RABGEF1: variants seen among roughly 807,000 people sequenced by gnomAD.
The protein encoded by RABGEF1 is RAB guanine nucleotide exchange factor 1.
In RABGEF1, 26 loss-of-function variants were observed where a neutral mutation model predicts 57.3. That is an observed-to-expected ratio of 0.45 (90% CI 0.33 to 0.63). RABGEF1 has a LOEUF of 0.63. Among genes scored for constraint, RABGEF1 ranks in the 20% least tolerant of loss-of-function variants. The probability of loss-of-function intolerance (pLI) is 0.02; values close to 1 mark genes in which losing one functional copy is unlikely to be tolerated. For missense variants in RABGEF1, 464 were observed against 607.6 expected, an observed-to-expected ratio of 0.76 and a Z score of 2.48; for synonymous variants, 185 against 210.7, an observed-to-expected ratio of 0.88 and a Z score of 1.06.
chr7:66,716,123 G>A (rs925421291), intron 2 of RABGEF1, among the ~76,000 whole-genome samples: 1 of 152,106 alleles, frequency 6.6e-6, no homozygotes, highest in African/African-American at 2.4e-5. Flanking sequence ...TTTTAGATGT[G>A]TACACATTTT....
At chr7:66,731,107 G>C (rs1165745156) in intron 2 of RABGEF1, among the ~76,000 whole-genome samples, 4 of 152,200 alleles carry the variant, frequency 2.6e-5, no homozygotes, top group Non-Finnish European at 4.4e-5. Context: ...CTGAGGCCCA[G>C]CCCCTGCCCT....
intron 2 of RABGEF1, among the ~76,000 whole-genome samples, chr7:66,716,548 C>T (rs1346856624): frequency 1.3e-5 from 2 of 152,060 alleles, no homozygotes; most frequent in Admixed American, 6.6e-5. Context: ...TTGCAGTGAG[C>T]CAAGATGGCA....
At chr7:66,795,425 A>G in intron 4 of RABGEF1, 86 bp from the exon 5 acceptor site, 1 of 1,134,778 alleles carries the variant, frequency 8.8e-7, no homozygotes, top group Non-Finnish European at 1.3e-6. Flanking sequence ...AGTACAAGGA[A>G]TGGCTTTTGG....
chr7:66,675,447 CA>C, the RABGEF1 span, among the ~76,000 whole-genome samples: 25 of 151,292 alleles, frequency 1.7e-4, 1 homozygote, highest in South Asian at 4.6e-3. Flanking sequence ...AAGAAACAAA[CA>C]AAAAAAACCC....
intron 2 of RABGEF1, among the ~76,000 whole-genome samples, chr7:66,729,288 C>T (rs1157018737): frequency 6.6e-6 from 1 of 151,830 alleles, no homozygotes; most frequent in Non-Finnish European, 1.5e-5. Context: ...CCTTCATCCT[C>T]CCCTCCATCC....
rs201955909 is a variant in RABGEF1, at chr7:66,799,394, T to C, written c.800T>C (p.Met267Thr). The change falls in exon 7 of 9, where the codon ATG (methionine) becomes ACG (threonine). Residue 267 changes from methionine to threonine, a missense_variant. Around this residue, in one of 4 missense-constraint regions of RABGEF1, gnomAD observed 284 missense variants for 389.9 expected, o/e 0.73. Coordinates refer to ENST00000284957, the MANE Select transcript of RABGEF1 (RefSeq NM_014504.3). ...VNEDIPEVSD[M>T]VVKAITDIIE... The stretch of plus-strand genomic sequence containing the variant: ...GAAGACATCCCAGAAGTGTCTGATA[T>C]GGTGGTGAAGGCGATCACAGGTCAG... The C allele has an allele frequency of 4.8e-5, 78 of 1,610,524 alleles. No individual in the cohort carries two copies. Among genetic ancestry groups the C allele is most frequent in the Non-Finnish European group, 6.4e-5 (75 of 1,176,822 alleles).
At chr7:66,734,194 A>G (rs1396387469) in intron 2 of RABGEF1, among the ~76,000 whole-genome samples, 1 of 152,114 alleles carries the variant, frequency 6.6e-6, no homozygotes, top group Non-Finnish European at 1.5e-5. Context: ...GCCCCAAACC[A>G]CAGAGTCCGG....
In RABGEF1 at chr7:66,759,880, G is replaced by T. The variant is rs566137603; in HGVS notation, c.-17-12003G>T. 9.2e-5 allele frequency among the ~76,000 whole-genome samples: 14 copies of T among 152,188 alleles called. 1 individual carries two copies. Among genetic ancestry groups the T allele is most frequent in the Non-Finnish European group, 1.8e-4 (12 of 68,038 alleles). On this transcript the variant is annotated intron_variant, in intron 1 of 8. Transcript: ENST00000284957. ...ACACAGTTCCAAACCATATCACATA[G>T]GCATATAGTCCCTTTAAAACTGATC...
upstream of RABGEF1, among the ~76,000 whole-genome samples, chr7:66,679,596 G>C (rs566186304): frequency 7.2e-5 from 11 of 152,194 alleles, no homozygotes; most frequent in Admixed American, 6.5e-4. Flanking sequence ...TGGGATTACA[G>C]GTGTGAGCCA....
At chr7:66,774,576 G>T (rs937917504) in intron 2 of RABGEF1, among the ~76,000 whole-genome samples, 1 of 152,140 alleles carries the variant, frequency 6.6e-6, no homozygotes, top group African/African-American at 2.4e-5. Context: ...CTTCTTTCTG[G>T]AATGTCCTTT....
At chr7:66,722,989 G>C (rs1053855730) in intron 2 of RABGEF1, among the ~76,000 whole-genome samples, 12 of 150,580 alleles carry the variant, frequency 8.0e-5, no homozygotes, top group Non-Finnish European at 1.0e-4. Flanking sequence ...TTTTTTTTGA[G>C]ATGGAGTTTC....
upstream of RABGEF1, among the ~76,000 whole-genome samples, chr7:66,736,957 C>G (rs753894307): frequency 2.0e-5 from 3 of 152,104 alleles, no homozygotes; most frequent in East Asian, 1.9e-4. Flanking sequence ...TACACACACA[C>G]GCACACAAAT....
chr7:66,673,450 G>A, the RABGEF1 span, among the ~76,000 whole-genome samples: 24 of 151,500 alleles, frequency 1.6e-4, no homozygotes, highest in African/African-American at 2.7e-4. Context: ...TCTGGCAGCG[G>A]TGGCTACTTG....
chr7:66,670,130 C>G, the RABGEF1 span, among the ~76,000 whole-genome samples: 1 of 152,154 alleles, frequency 6.6e-6, no homozygotes. Context: ...CGACACCCCC[C>G]AAATAGCTCT....
chr7:66,783,638 A>G (rs1810485180), intron 3 of RABGEF1, 37 bp from the exon 4 acceptor site: 1 of 1,537,692 alleles, frequency 6.5e-7, no homozygotes, highest in Non-Finnish European at 8.8e-7. Flanking sequence ...TGGATCTTTT[A>G]TGTCATGAAA....
intron 7 of RABGEF1, 106 bp downstream of exon 7, chr7:66,799,520 C>T: frequency 2.2e-6 from 2 of 897,774 alleles, no homozygotes; most frequent in South Asian, 3.3e-5. Context: ...GTCGAAGGTA[C>T]ATTGGAATGT....
In RABGEF1 at chr7:66,708,726, C is replaced by G. The variant is rs1168830710; in HGVS notation, c.-872-3441C>G. ...ACTCAGGAGGCTGAGGTGGGAGGAT[C>G]TCCTGGGCCCAGGAGGTTGAGGTTG... On this transcript the variant is annotated intron_variant and NMD_transcript_variant, in intron 1 of 9. Coordinates refer to the RABGEF1 transcript ENST00000607882. 2.0e-5 allele frequency among the ~76,000 whole-genome samples: 3 copies of G among 152,256 alleles called. No homozygotes were observed. The East Asian group carries it at 5.8e-4, about 29-fold the overall frequency.
At chr7:66,727,695 C>T (rs1239673097) in intron 2 of RABGEF1, among the ~76,000 whole-genome samples, 3 of 152,248 alleles carry the variant, frequency 2.0e-5, no homozygotes, top group Non-Finnish European at 2.9e-5. Flanking sequence ...GCCAGCCCCT[C>T]GCAGGGGTCC....
At chr7:66,687,974 A>G (rs747761332) in intron 1 of RABGEF1, among the ~76,000 whole-genome samples, 24 of 151,754 alleles carry the variant, frequency 1.6e-4, no homozygotes, top group Non-Finnish European at 3.2e-4. Flanking sequence ...AATCCCAGCT[A>G]CACGGTAGGC....
Sources: gnomAD v4.1 joint callset for allele counts (sites outside exome capture counted in the v4.1 genomes callset) on GRCh38, gnomAD v4.1.1 for gene constraint, gnomAD v4.1.1 regional missense constraint, MANE v1.5 for transcripts, NCBI Gene and HGNC (gene_info 2026-07-23, HGNC 2026-07-21) for gene names.